The following ZNF292 variants were observed in gnomAD, a reference collection of about 807,000 sequenced individuals.
ZNF292 encodes the protein zinc finger protein 292, also known as 16 zinc-finger domain protein.
A neutral mutation model predicts 217.9 loss-of-function variants in ZNF292; 26 were observed. That is an observed-to-expected ratio of 0.12 (90% CI 0.09 to 0.17). The LOEUF (loss-of-function observed/expected upper bound fraction) is 0.17, where lower values mean the gene tolerates loss of function less well. Among genes scored for constraint, ZNF292 ranks in the 10% least tolerant of loss-of-function variants. The pLI is 1.00. For missense variants in ZNF292, 2,904 were observed against 3,175.2 expected (o/e 0.91, Z 2.05); for synonymous variants, 1,257 against 1,124.1 (o/e 1.12, Z -2.37).
intron 5 of ZNF292, among the ~76,000 whole-genome samples, chr6:87,239,111 C>T (rs1478754811): frequency 6.6e-6 from 1 of 152,292 alleles, no homozygotes; most frequent in Admixed American, 6.5e-5. Flanking sequence ...AATCTGATTT[C>T]TCTATCTTTT....
At chr6:87,172,866 C>CA in intron 1 of ZNF292, among the ~76,000 whole-genome samples, 1 of 149,858 alleles carries the variant, frequency 6.7e-6, no homozygotes, top group Non-Finnish European at 1.5e-5. Flanking sequence ...AAGATTGCAC[C>CA]ACTGCAATCT....
intron 5 of ZNF292, 67 bp downstream of exon 5, chr6:87,233,594 C>G (rs1050993552): frequency 1.3e-6 from 2 of 1,552,226 alleles, no homozygotes; most frequent in African/African-American, 1.4e-5. Context: ...ATTAGAATGT[C>G]TTTGATTTCC....
chr6:87,185,242 T>TACAACCC (rs1362761081), intron 1 of ZNF292, among the ~76,000 whole-genome samples: 1 of 152,216 alleles, frequency 6.6e-6, no homozygotes, highest in Non-Finnish European at 1.5e-5. Context: ...ATGTCCTTTG[T>TACAACCC]ACAACCCAAA....
In ZNF292 at chr6:87,257,144, C is replaced by A; in HGVS notation, c.3515C>A (p.Thr1172Asn). The change falls in exon 8 of 8, where the codon ACC (threonine) becomes AAC (asparagine). Residue 1172 changes from threonine (T) to asparagine (N), a missense_variant. Around this residue, in one of 15 missense-constraint regions of ZNF292, gnomAD observed 687 missense variants for 623.0 expected, o/e 1.10. Transcript: ENST00000369577. Reference sequence around the variant, plus strand: ...TCAAATCCATTTTTTACATCACAGACCAAAGCCAATGGGAATCCTGCTTGT... The same window carrying A: ...TCAAATCCATTTTTTACATCACAGAACAAAGCCAATGGGAATCCTGCTTGT... ...NSSNPFFTSQ[T>N]KANGNPACSA... The A allele has an allele frequency of 6.2e-7, 1 of 1,613,890 alleles. No individual in the cohort carries two copies. Among genetic ancestry groups the A allele is most frequent in the Non-Finnish European group, 8.5e-7 (1 of 1,179,852 alleles).
chr6:87,243,377 A>G, intron 5 of ZNF292, 98 bp from the exon 6 acceptor site: 1 of 1,079,652 alleles, frequency 9.3e-7, no homozygotes, highest in Non-Finnish European at 1.2e-6. Context: ...TTTTATTCAT[A>G]AAAACTATCT....
chr6:87,156,664 C>T (rs1770550416), intron 1 of ZNF292, among the ~76,000 whole-genome samples: 1 of 152,208 alleles, frequency 6.6e-6, no homozygotes, highest in Non-Finnish European at 1.5e-5. Context: ...TGGATCTGTG[C>T]TTTGGGTAGT....
chr6:87,155,969 T>G (rs1582354244), intron 1 of ZNF292, among the ~76,000 whole-genome samples: 1 of 151,584 alleles, frequency 6.6e-6, no homozygotes, highest in South Asian at 2.1e-4. Flanking sequence ...GGGAAGGGAG[T>G]TGCGGTCAAG....
At chr6:87,253,220 C>A (rs1405543489) in intron 7 of ZNF292, among the ~76,000 whole-genome samples, 1 of 119,010 alleles carries the variant, frequency 8.4e-6, no homozygotes, top group Non-Finnish European at 1.7e-5. Flanking sequence ...CATGCCCAGC[C>A]TTTTTTTTTT....
At chr6:87,173,257 T>TG (rs1239453662) in intron 1 of ZNF292, 2 of 152,178 alleles carry the variant, frequency 1.3e-5, no homozygotes, top group Non-Finnish European at 2.9e-5. Context: ...TGTAAACTGC[T>TG]GATGTACACT....
At chr6:87,241,845 C>T (rs557669595) in intron 5 of ZNF292, among the ~76,000 whole-genome samples, 32 of 152,310 alleles carry the variant, frequency 2.1e-4, no homozygotes, top group Middle Eastern at 3.4e-3. Context: ...AGCTCTACAA[C>T]GGTGCGAAAG....
Position 87,264,365 on chromosome 6 carries a change from T to C in ZNF292, c.*2564T>C, listed in dbSNP as rs1307139385. Among the ~76,000 whole-genome samples, 1 of 152,232 alleles carries C rather than the reference T, an allele frequency of 6.6e-6. No homozygotes were observed. Among genetic ancestry groups the C allele is most frequent in the Admixed American group, 6.5e-5 (1 of 15,276 alleles). On this transcript the variant is annotated 3_prime_UTR_variant, in exon 8 of 8. Transcript: ENST00000369577. Reference sequence around the variant, plus strand: ...TCACCTTAAGTGAAATGTAACAGTTTTTGAAATTTTCAACGGTGTTAAATT... The same window carrying C: ...TCACCTTAAGTGAAATGTAACAGTTCTTGAAATTTTCAACGGTGTTAAATT...
In ZNF292 at chr6:87,264,693, TGAA is replaced by T. The variant is rs570534638; in HGVS notation, c.*2897_*2899del. Among the ~76,000 whole-genome samples the T allele has an allele frequency of 2.5e-3, 384 of 152,250 alleles. 2 individuals carry two copies. The highest frequency in any genetic ancestry group is 8.9e-3 in the African/African-American group (370 of 41,536). ...TGGGCCACTTGGAAAGATAGGAAGT[TGAA>T]GAAGGTGAAGCTGAAGAAGCAGATG... On this transcript the variant is annotated 3_prime_UTR_variant, in exon 8 of 8. Transcript: ENST00000369577.
rs1294515050 is a variant in ZNF292, at chr6:87,261,804, A to G, written c.*3A>G. 2 of 1,576,954 alleles carry G rather than the reference A, an allele frequency of 1.3e-6. No individual in the cohort carries two copies. ...CCACAGGCAGAGGTCAGTACTGATA[A>G]TTAATGTAGTATAAATACATCATTT... On this transcript the variant is annotated 3_prime_UTR_variant, in exon 8 of 8. Transcript: ENST00000369577.
rs768360821 is a variant in ZNF292 at position 87,259,522 on chromosome 6, C to T, written c.5893C>T (p.Arg1965Trp). The change falls in exon 8 of 8, where the codon CGG becomes TGG. Residue 1965 changes from arginine (R) to tryptophan (W), a missense_variant. Arg to Trp is a moderately radical substitution (Grantham distance 101, BLOSUM62 -3). Transcript: ENST00000369577. ...TKTFTRNSNL[R>W]AHCQLVHHFT... ...AACATTTACAAGAAATTCTAACCTC[C>T]GGGCACACTGTCAGTTGGTGCATCA... is the stretch of plus-strand genomic sequence containing the variant. 4 of 1,587,072 alleles carry T rather than the reference C, an allele frequency of 2.5e-6. No homozygotes were observed. The highest frequency in any genetic ancestry group is 3.4e-6 in the Non-Finnish European group (4 of 1,165,566).
intron 1 of ZNF292, among the ~76,000 whole-genome samples, chr6:87,192,040 C>T (rs113333860): frequency 2.6e-5 from 4 of 152,254 alleles, no homozygotes; most frequent in Non-Finnish European, 5.9e-5. Flanking sequence ...GATGGGGAAG[C>T]CTTTCTAAGG....
chr6:87,162,540 A>G (rs1746509891), intron 1 of ZNF292, among the ~76,000 whole-genome samples: 1 of 152,228 alleles, frequency 6.6e-6, no homozygotes, highest in African/African-American at 2.4e-5. Flanking sequence ...TTAAACTTTT[A>G]GAAGTTTAGA....
intron 1 of ZNF292, among the ~76,000 whole-genome samples, chr6:87,213,087 AG>A (rs1772572839): frequency 6.6e-6 from 1 of 152,190 alleles, no homozygotes; most frequent in South Asian, 2.1e-4. Context: ...ATTTTAGAGG[AG>A]GGTTGTAAAT....
At chr6:87,202,521 C>A (rs990622431) in intron 1 of ZNF292, among the ~76,000 whole-genome samples, 4 of 152,006 alleles carry the variant, frequency 2.6e-5, no homozygotes, top group African/African-American at 9.7e-5. Flanking sequence ...TGCTGATTAG[C>A]CCTACAGTTT....
chr6:87,159,985 A>G (rs534668910), intron 1 of ZNF292, among the ~76,000 whole-genome samples: 19 of 152,360 alleles, frequency 1.2e-4, no homozygotes, highest in African/African-American at 4.6e-4. Flanking sequence ...TATTTATTAT[A>G]CAAAAATTGG....
Sources: gnomAD v4.1 joint callset for allele counts (sites outside exome capture counted in the v4.1 genomes callset) on GRCh38, gnomAD v4.1.1 for gene constraint, gnomAD v4.1.1 regional missense constraint, MANE v1.5 for transcripts, NCBI Gene and HGNC (gene_info 2026-07-23, HGNC 2026-07-21) for gene names.